The following MYOM2 variants were observed in gnomAD, a reference collection of about 807,000 sequenced individuals.
MYOM2 encodes myomesin-2.
A neutral mutation model predicts 187.6 loss-of-function variants in MYOM2; 254 were observed. The ratio of observed to expected loss-of-function variants is 1.35; its 90% confidence interval spans 1.22 to 1.50. MYOM2 has a LOEUF of 1.50. MYOM2 is among the 40% of genes most tolerant of loss of function. The pLI is 0.00. For synonymous variants in MYOM2, 981 were observed against 753.8 expected (o/e 1.30, Z -4.94); for missense variants, 2,796 against 1,924.0 (o/e 1.45, Z -8.48).
rs1249735802 is a variant in MYOM2, at chr8:2,144,871, G to C, written c.4288G>C (p.Asp1430His). 1.9e-6 allele frequency: 3 copies of C among 1,614,074 alleles called. No individual in the cohort carries two copies. The highest frequency in any genetic ancestry group is 2.5e-6 in the Non-Finnish European group (3 of 1,180,024). Reference protein sequence around the residue: ...IKNKYGGEKIDVTVSVYKHGE... With the variant: ...IKNKYGGEKIHVTVSVYKHGE... ...GAATAAGTATGGCGGGGAGAAGATC[G>C]ACGTGACAGTGAGCGTGTACAAACA... The change falls in exon 37 of 37, where the codon GAC becomes CAC. Residue 1430 changes from aspartate to histidine, a missense_variant. By Grantham distance (81) the Asp-to-His change is moderately conservative. Coordinates refer to ENST00000262113, the MANE Select transcript of MYOM2 (RefSeq NM_003970.4).
At chr8:2,122,542 C>G (rs1797493287) in intron 28 of MYOM2, among the ~76,000 whole-genome samples, 1 of 152,234 alleles carries the variant, frequency 6.6e-6, no homozygotes, top group African/African-American at 2.4e-5. Context: ...CATTTTCATT[C>G]TTTTGTCATC....
chr8:2,046,149 T>G (rs1177028426), intron 1 of MYOM2, among the ~76,000 whole-genome samples: 1 of 152,224 alleles, frequency 6.6e-6, no homozygotes, highest in Admixed American at 6.5e-5. Context: ...TTATTGACTT[T>G]GACATTTTTA....
At chr8:2,140,665 C>T in intron 32 of MYOM2, 58 bp from the exon 33 acceptor site, 2 of 1,566,312 alleles carry the variant, frequency 1.3e-6, no homozygotes, top group African/African-American at 2.7e-5. Flanking sequence ...GCCCTGTAGA[C>T]ATTGTGCGTG....
chr8:2,085,008 T>C (rs1000611398), intron 13 of MYOM2: 1 of 454,322 alleles, frequency 2.2e-6, no homozygotes, highest in African/African-American at 2.0e-5. Flanking sequence ...ACAGAATCTC[T>C]GGAAGACTTT....
chr8:2,139,649 G>T (rs965363664), intron 32 of MYOM2, among the ~76,000 whole-genome samples: 1 of 152,150 alleles, frequency 6.6e-6, no homozygotes. Flanking sequence ...CCAAGCTGCG[G>T]CTGTTCTGGA....
At chr8:2,097,659 C>T (rs10095319) in intron 18 of MYOM2, among the ~76,000 whole-genome samples, 40,749 of 151,876 alleles carry the variant, frequency 0.27, 6,844 homozygotes, top group Non-Finnish European at 0.37. Context: ...GGATTACAGG[C>T]GCCCACCACC....
chr8:2,118,096 G>A, intron 28 of MYOM2, 144 bp downstream of exon 28: 1 of 622,628 alleles, frequency 1.6e-6, no homozygotes, highest in Non-Finnish European at 2.8e-6. Context: ...GGGCGGAGTG[G>A]CTTTTGGGTC....
chr8:2,075,521 C>T (rs1308599423), intron 10 of MYOM2, among the ~76,000 whole-genome samples: 8 of 152,270 alleles, frequency 5.3e-5, no homozygotes, highest in South Asian at 2.1e-4. Flanking sequence ...GCTAAGCATG[C>T]GTCACAGGGC....
At chr8:2,132,900 C>T (rs904507511) in intron 32 of MYOM2, among the ~76,000 whole-genome samples, 17 of 152,318 alleles carry the variant, frequency 1.1e-4, no homozygotes, top group East Asian at 1.9e-4. Flanking sequence ...ACACCTTCCC[C>T]GGCACATCTT....
chr8:2,139,990 C>T (rs1798218820), intron 32 of MYOM2, among the ~76,000 whole-genome samples: 1 of 152,134 alleles, frequency 6.6e-6, no homozygotes, highest in Non-Finnish European at 1.5e-5. Flanking sequence ...ACATTCACAT[C>T]ATCGTGCAGG....
At position 2,109,575 on chromosome 8, in the gene MYOM2, C is replaced by T. The variant is rs757041897; in HGVS notation, c.3180+44C>T. ...GATCTCTGGCTTTGCAGGGAGTCCA[C>T]TTTTGTTGTGGTAGGTCAGTTACTG... is the stretch of plus-strand genomic sequence containing the variant. On this transcript the variant is annotated intron_variant, in intron 25 of 36. Transcript: ENST00000262113. The T allele has an allele frequency of 2.5e-6, 4 of 1,571,172 alleles. No homozygotes were observed. The South Asian group carries it at 4.7e-5, about 18-fold the overall frequency.
intron 2 of MYOM2, 57 bp downstream of exon 2, chr8:2,050,930 T>A: frequency 7.3e-7 from 1 of 1,370,300 alleles, no homozygotes; most frequent in South Asian, 1.2e-5. Context: ...GGTCTGACAT[T>A]TAAAGGCTTT....
chr8:2,079,743 G>A (rs1380787149), intron 13 of MYOM2, 130 bp downstream of exon 13: 1 of 981,032 alleles, frequency 1.0e-6, no homozygotes, highest in African/African-American at 1.6e-5. Context: ...AAAACCGCAG[G>A]TCAGGCCTGC....
intron 1 of MYOM2, among the ~76,000 whole-genome samples, chr8:2,045,727 C>T (rs1301574647): frequency 6.6e-6 from 1 of 152,202 alleles, no homozygotes; most frequent in Non-Finnish European, 1.5e-5. Context: ...CTGTTTTCTT[C>T]TTTGTGCTGT....
chr8:2,142,480 G>A (rs920100494), intron 35 of MYOM2, 83 bp downstream of exon 35: 4 of 1,383,314 alleles, frequency 2.9e-6, no homozygotes, highest in South Asian at 1.2e-5. Context: ...GACCAACTTT[G>A]TGTATTAAAT....
chr8:2,113,618 G>A (rs10108696), intron 25 of MYOM2, among the ~76,000 whole-genome samples: 30,033 of 152,118 alleles, frequency 0.2, 3,133 homozygotes, highest in African/African-American at 0.26. Context: ...AGTTTCAGCC[G>A]ATGACTGATC....
At chr8:2,065,384 C>T (rs1326983252) in intron 6 of MYOM2, among the ~76,000 whole-genome samples, 1 of 152,152 alleles carries the variant, frequency 6.6e-6, no homozygotes, top group Admixed American at 6.5e-5. Context: ...GCCTGAGCAA[C>T]ATGGTGAAAC....
intron 13 of MYOM2, among the ~76,000 whole-genome samples, chr8:2,080,423 T>C (rs1169436226): frequency 1.3e-5 from 2 of 152,230 alleles, no homozygotes; most frequent in Non-Finnish European, 2.9e-5. Flanking sequence ...TGAAGATTTT[T>C]CTCTAGGATC....
chr8:2,129,888 A>G (rs1797793176), intron 32 of MYOM2, among the ~76,000 whole-genome samples: 2 of 152,142 alleles, frequency 1.3e-5, no homozygotes, highest in African/African-American at 4.8e-5. Flanking sequence ...CCAAAACAGG[A>G]CTCGCATCAG....
Sources: gnomAD v4.1 joint callset for allele counts (sites outside exome capture counted in the v4.1 genomes callset) on GRCh38, gnomAD v4.1.1 for gene constraint, MANE v1.5 for transcripts, NCBI Gene and HGNC (gene_info 2026-07-23, HGNC 2026-07-21) for gene names.